RPS6KA5: variants seen among roughly 807,000 people sequenced by gnomAD.
RPS6KA5 encodes the protein ribosomal protein S6 kinase A5.
In RPS6KA5, 27 loss-of-function variants were observed where a neutral mutation model predicts 85.5. The ratio of observed to expected loss-of-function variants is 0.32; its 90% CI spans 0.23 to 0.44. The LOEUF (loss-of-function observed/expected upper bound fraction) is 0.44. Ranked by LOEUF, RPS6KA5 falls within the 20% of genes least tolerant of loss-of-function variation. RPS6KA5 has a pLI of 1.00. For synonymous variants in RPS6KA5, 334 were observed against 348.2 expected (o/e 0.96, Z 0.46); for missense variants, 811 against 980.9 (o/e 0.83, Z 2.31).
intron 1 of RPS6KA5, among the ~76,000 whole-genome samples, chr14:91,025,451 A>G (rs2041955212): frequency 6.6e-6 from 1 of 152,168 alleles, no homozygotes; most frequent in Admixed American, 6.5e-5. Flanking sequence ...TCCTTTCCCT[A>G]ATTACATGTA....
At position 91,015,637 on chromosome 14, in the gene RPS6KA5, C is replaced by G. The variant is rs80160943; in HGVS notation, c.104-14478G>C. Among the ~76,000 whole-genome samples the G allele has an allele frequency of 5.8e-4, 89 of 152,286 alleles. 1 individual carries two copies. In the East Asian group the frequency reaches 0.016, roughly 28 times the overall value. On this transcript the variant is annotated intron_variant, in intron 1 of 16. Transcript: ENST00000614987. ...CACGTAATTCTATTGTGAGAAAGTACTTTATCAACACCTTTTCCTTTTTCT... is the reference window on the plus strand; with the variant it reads ...CACGTAATTCTATTGTGAGAAAGTAGTTTATCAACACCTTTTCCTTTTTCT...
In RPS6KA5 at chr14:90,853,669, C is replaced by CAT. The variant is rs1555353319; in HGVS notation, c.*18404_*18405insAT. 1 of 128,392 alleles carries CAT rather than the reference C, an allele frequency of 7.8e-6. No homozygotes were observed. The highest frequency in any genetic ancestry group is 1.6e-5 in the Non-Finnish European group (1 of 61,666). The allele number at this position is 128,392 out of a possible 1,614,324, so 8.0% of individuals were successfully genotyped here. The stretch of plus-strand genomic sequence containing the variant: ...TGAAACCCCATCTCTACTAAAAATA[C>CAT]AAAAAAAAAAAAAAAAACCCTAAAA... On this transcript the variant is annotated 3_prime_UTR_variant, in exon 17 of 17. Transcript: ENST00000614987.
chr14:90,938,358 G>A (rs1037576725), intron 5 of RPS6KA5, among the ~76,000 whole-genome samples: 3 of 152,168 alleles, frequency 2.0e-5, no homozygotes, highest in Admixed American at 1.3e-4. Context: ...GAGTGTCTGT[G>A]GCTTTTCCAG....
At chr14:90,974,037 C>CGAAAAAA (rs2039446953) in intron 3 of RPS6KA5, among the ~76,000 whole-genome samples, 1 of 61,444 alleles carries the variant, frequency 1.6e-5, no homozygotes, top group Non-Finnish European at 2.9e-5. Flanking sequence ...GACTCCATCT[C>CGAAAAAA]AAAAAAAAAA....
In RPS6KA5 at chr14:90,941,601, T is replaced by C. The variant is rs535887729; in HGVS notation, c.618+1477A>G. 5.3e-5 allele frequency among the ~76,000 whole-genome samples: 8 copies of C among 152,328 alleles called. No homozygotes were observed. The South Asian group carries it at 1.0e-3, about 20-fold the overall frequency. On this transcript the variant is annotated intron_variant, in intron 5 of 16. Transcript: ENST00000614987. ...CTGCCTATGTGAACAGGGGCAGAGATAGGATCTGGGGGTTACCTGTTTCTT... is the reference window on the plus strand; with the variant it reads ...CTGCCTATGTGAACAGGGGCAGAGACAGGATCTGGGGGTTACCTGTTTCTT...
At chr14:90,951,311 G>A (rs984680571) in intron 3 of RPS6KA5, among the ~76,000 whole-genome samples, 6 of 151,572 alleles carry the variant, frequency 4.0e-5, no homozygotes, top group Non-Finnish European at 8.8e-5. Context: ...GTGAAACCCC[G>A]TCTCTACTAA....
chr14:90,887,353 ATT>A (rs57904402), intron 14 of RPS6KA5, among the ~76,000 whole-genome samples: 2 of 146,044 alleles, frequency 1.4e-5, no homozygotes, highest in East Asian at 2.0e-4. Flanking sequence ...GCTAATTAAA[ATT>A]TTTTTTTTTT....
At chr14:90,950,032 C>T (rs1009735344) in intron 3 of RPS6KA5, among the ~76,000 whole-genome samples, 12 of 152,160 alleles carry the variant, frequency 7.9e-5, no homozygotes, top group Admixed American at 2.0e-4. Context: ...GCATGGATGA[C>T]GCAGTGGTGA....
intron 14 of RPS6KA5, among the ~76,000 whole-genome samples, chr14:90,887,489 C>T (rs1429753270): frequency 1.3e-5 from 2 of 152,026 alleles, no homozygotes; most frequent in African/African-American, 4.8e-5. Context: ...CCATAAAAGG[C>T]AAGCACCTTT....
chr14:90,941,777 T>G (rs1405862383), intron 5 of RPS6KA5, among the ~76,000 whole-genome samples: 1 of 152,248 alleles, frequency 6.6e-6, no homozygotes, highest in Non-Finnish European at 1.5e-5. Context: ...TCATCCATCT[T>G]CTAAAATGTA....
intron 2 of RPS6KA5, among the ~76,000 whole-genome samples, chr14:90,994,921 C>T (rs1243214971): frequency 1.3e-5 from 2 of 152,078 alleles, no homozygotes; most frequent in African/African-American, 2.4e-5. Context: ...ACTTTCTTTG[C>T]TATTTCCTTA....
chr14:90,986,503 T>C (rs1403550458), intron 2 of RPS6KA5, among the ~76,000 whole-genome samples: 1 of 152,148 alleles, frequency 6.6e-6, no homozygotes, highest in African/African-American at 2.4e-5. Flanking sequence ...AAGATGCATA[T>C]TCATAAATAA....
intron 2 of RPS6KA5, among the ~76,000 whole-genome samples, chr14:90,986,458 A>C (rs1277951359): frequency 6.6e-6 from 1 of 152,164 alleles, no homozygotes; most frequent in Non-Finnish European, 1.5e-5. Context: ...TACTAAAAAA[A>C]AAAAATACGT....
intron 5 of RPS6KA5, among the ~76,000 whole-genome samples, chr14:90,933,787 C>T (rs1422002131): frequency 1.3e-5 from 2 of 152,190 alleles, no homozygotes; most frequent in Non-Finnish European, 2.9e-5. Context: ...ATGATCACCT[C>T]CATGTCCTTC....
At chr14:90,925,609 T>C in intron 5 of RPS6KA5, among the ~76,000 whole-genome samples, 1 of 152,048 alleles carries the variant, frequency 6.6e-6, no homozygotes, top group East Asian at 1.9e-4. Context: ...CGCTGATGTC[T>C]TGATATTACT....
chr14:90,956,788 A>G (rs1254576172), intron 3 of RPS6KA5, among the ~76,000 whole-genome samples: 1 of 151,874 alleles, frequency 6.6e-6, no homozygotes, highest in African/African-American at 2.4e-5. Flanking sequence ...TTAATTCTAT[A>G]TATCTATATT....
At chr14:90,894,713 C>A in intron 12 of RPS6KA5, 130 bp from the exon 13 acceptor site, 1 of 1,080,644 alleles carries the variant, frequency 9.3e-7, no homozygotes, top group South Asian at 1.9e-5. Context: ...CAATGGCAAT[C>A]CTCATATCTT....
In RPS6KA5 at chr14:90,852,904, T is replaced by G. The variant is rs535995428; in HGVS notation, c.*19170A>C. The stretch of plus-strand genomic sequence containing the variant: ...GCCACCACGCCCGGCTAATTTTTGT[T>G]GTATTTTTAGTAGAGACAGGGTTTC... On this transcript the variant is annotated 3_prime_UTR_variant, in exon 17 of 17. Transcript: ENST00000614987. 1 of 152,182 alleles carries G rather than the reference T, an allele frequency of 6.6e-6. No individual in the cohort carries two copies. The highest frequency in any genetic ancestry group is 1.5e-5 in the Non-Finnish European group (1 of 68,188). The allele number at this position is 152,182 out of a possible 1,614,324, so 9.4% of individuals were successfully genotyped here. A position where few individuals can be genotyped will look rare whatever the true frequency, so the allele number is the denominator to read the frequency against.
intron 1 of RPS6KA5, among the ~76,000 whole-genome samples, chr14:91,053,386 A>G (rs949089982): frequency 6.6e-6 from 1 of 152,232 alleles, no homozygotes; most frequent in Admixed American, 6.5e-5. Context: ...GAAACAAAAG[A>G]TATCTGGATT....
Sources: gnomAD v4.1 joint callset for allele counts (sites outside exome capture counted in the v4.1 genomes callset) on GRCh38, gnomAD v4.1.1 for gene constraint, MANE v1.5 for transcripts, NCBI Gene and HGNC (gene_info 2026-07-23, HGNC 2026-07-21) for gene names.